BTC: variants seen among roughly 807,000 people sequenced by gnomAD.
BTC encodes the protein betacellulin, also known as probetacellulin.
Under a neutral mutation model 18.1 loss-of-function variants are expected in BTC, and 13 were observed. The ratio of observed to expected loss-of-function variants is 0.72; its 90% CI spans 0.47 to 1.14. BTC has a LOEUF of 1.14. Among genes scored for constraint, BTC ranks in the 50% most tolerant of loss-of-function variants. The pLI is 0.00. For missense variants in BTC, 247 were observed against 224.2 expected (o/e 1.10, Z -0.65); for synonymous variants, 83 against 79.4 (o/e 1.05, Z -0.24).
intron 1 of BTC, among the ~76,000 whole-genome samples, chr4:74,773,491 A>C (rs998860641): frequency 6.6e-6 from 1 of 152,232 alleles, no homozygotes; most frequent in Non-Finnish European, 1.5e-5. Flanking sequence ...AATTCAATGA[A>C]TATTTATTAA....
intron 1 of BTC, among the ~76,000 whole-genome samples, chr4:74,793,844 C>A (rs1433572374): frequency 6.6e-6 from 1 of 152,182 alleles, no homozygotes. Flanking sequence ...TATACTACCA[C>A]GTGAGCTTCT....
intron 2 of BTC, among the ~76,000 whole-genome samples, chr4:74,757,754 G>T (rs1724640141): frequency 6.6e-6 from 1 of 152,190 alleles, no homozygotes; most frequent in Non-Finnish European, 1.5e-5. Flanking sequence ...AAAGAACACT[G>T]GATTCGGAGA....
intron 2 of BTC, among the ~76,000 whole-genome samples, chr4:74,766,141 A>G (rs962868655): frequency 1.3e-5 from 2 of 152,152 alleles, no homozygotes; most frequent in Non-Finnish European, 2.9e-5. Context: ...AGGAACTTGC[A>G]AGACTAGAAG....
chr4:74,770,205 G>A, intron 1 of BTC, 49 bp from the exon 2 acceptor site: 1 of 1,443,862 alleles, frequency 6.9e-7, no homozygotes. Flanking sequence ...TTTGCTTATT[G>A]TGAAACAGTC....
intron 1 of BTC, among the ~76,000 whole-genome samples, chr4:74,773,420 C>G (rs543327462): frequency 6.6e-6 from 1 of 152,172 alleles, no homozygotes. Flanking sequence ...CAGATAAATG[C>G]TCACAAAACT....
At chr4:74,792,535 T>C (rs41476547) in intron 1 of BTC, among the ~76,000 whole-genome samples, 3,824 of 152,308 alleles carry the variant, frequency 0.025, 147 homozygotes, top group African/African-American at 0.088. Context: ...TAAACCATTG[T>C]TTGCATCATA....
In BTC at chr4:74,749,072, T is replaced by C. The variant is rs534328998; in HGVS notation, c.429-923A>G. 9.2e-5 allele frequency among the ~76,000 whole-genome samples: 14 copies of C among 152,276 alleles called. No homozygotes were observed. In the East Asian group the frequency reaches 2.5e-3, roughly 27 times the overall value. ...ACTCTTGTTTTACAGAAAATAAAAGTTCATAGTTGTTAAGAAATTTACCCA... is the reference window on the plus strand; with the variant it reads ...ACTCTTGTTTTACAGAAAATAAAAGCTCATAGTTGTTAAGAAATTTACCCA... On this transcript the variant is annotated intron_variant, in intron 4 of 5. Coordinates refer to ENST00000395743, the MANE Select transcript of BTC (RefSeq NM_001729.4).
intron 1 of BTC, among the ~76,000 whole-genome samples, chr4:74,793,079 C>T (rs1395794853): frequency 2.0e-5 from 3 of 152,204 alleles, no homozygotes. Context: ...TACTTGCAAG[C>T]AATGCTGGCA....
At chr4:74,789,894 A>C (rs1398805982) in intron 1 of BTC, among the ~76,000 whole-genome samples, 1 of 152,256 alleles carries the variant, frequency 6.6e-6, no homozygotes, top group East Asian at 1.9e-4. Flanking sequence ...TCTGTGTCTG[A>C]TATCAATGCT....
chr4:74,757,775 G>A (rs905220747), intron 2 of BTC, among the ~76,000 whole-genome samples: 3 of 152,170 alleles, frequency 2.0e-5, no homozygotes, highest in Non-Finnish European at 2.9e-5. Flanking sequence ...AAGAAAATTC[G>A]TGTTTAATTT....
chr4:74,766,750 A>G (rs1004139268), intron 2 of BTC, among the ~76,000 whole-genome samples: 1 of 152,072 alleles, frequency 6.6e-6, no homozygotes, highest in Non-Finnish European at 1.5e-5. Flanking sequence ...TTCCAAACTC[A>G]TTTTACGAAG....
At position 74,746,185 on chromosome 4, in the gene BTC, G is replaced by C. The variant is rs1464621154; in HGVS notation, c.*492C>G. On this transcript the variant is annotated 3_prime_UTR_variant, in exon 6 of 6. Transcript: ENST00000395743. ...TACCAATCTCCAACTCTCTAAATCT[G>C]GATTAGATTATTTGACTTGACTTCT... 2 of 152,056 alleles carry C rather than the reference G, an allele frequency of 1.3e-5. No homozygotes were observed. The highest frequency in any genetic ancestry group is 4.8e-5 in the African/African-American group (2 of 41,402). The allele number at this position is 152,056 out of a possible 1,614,324, so 9.4% of individuals were successfully genotyped here.
At chr4:74,751,809 C>T (rs1020131593) in intron 3 of BTC, among the ~76,000 whole-genome samples, 12 of 152,170 alleles carry the variant, frequency 7.9e-5, no homozygotes, top group African/African-American at 2.9e-4. Context: ...TATTAATAAA[C>T]ATTTTCCTTT....
intron 4 of BTC, among the ~76,000 whole-genome samples, chr4:74,750,112 T>G (rs1210968627): frequency 6.6e-6 from 1 of 151,752 alleles, no homozygotes; most frequent in Non-Finnish European, 1.5e-5. Context: ...AATAAATAAA[T>G]ACAAATAAAA....
chr4:74,794,284 T>C lies in BTC; in HGVS notation c.42A>G (p.Pro14=). Residue 14 remains proline, a synonymous_variant, in exon 1 of 6, where the codon CCA becomes CCG. Transcript: ENST00000395743. Reference sequence around the variant, plus strand: ...TACCCAGGGCAAGGGCCAGGAGCAGTGGCAGGGAGCTGGCGCCGCTGCACC... The same window carrying C: ...TACCCAGGGCAAGGGCCAGGAGCAGCGGCAGGGAGCTGGCGCCGCTGCACC... ...AARCSGASSL[P]LLLALALGLV... 6.5e-7 allele frequency: 1 copy of C among 1,549,614 alleles called. No individual in the cohort carries two copies. The highest frequency in any genetic ancestry group is 8.7e-7 in the Non-Finnish European group (1 of 1,146,656).
At chr4:74,762,389 G>C (rs369043039) in intron 2 of BTC, among the ~76,000 whole-genome samples, 1 of 152,064 alleles carries the variant, frequency 6.6e-6, no homozygotes, top group Non-Finnish European at 1.5e-5. Context: ...ATTTGAAAAA[G>C]GGAATAATGT....
intron 1 of BTC, among the ~76,000 whole-genome samples, chr4:74,787,028 G>A (rs140412509): frequency 9.1e-4 from 137 of 151,094 alleles, no homozygotes; most frequent in African/African-American, 3.1e-3. Flanking sequence ...TCCACCAACA[G>A]CCACTTACAT....
chr4:74,759,825 C>T (rs1370494166), intron 2 of BTC, among the ~76,000 whole-genome samples: 8 of 152,098 alleles, frequency 5.3e-5, no homozygotes, highest in Non-Finnish European at 1.2e-4. Flanking sequence ...TTACATGAGA[C>T]GTACTAGATT....
intron 1 of BTC, among the ~76,000 whole-genome samples, chr4:74,790,893 G>A (rs1421997132): frequency 6.6e-6 from 1 of 152,250 alleles, no homozygotes; most frequent in African/African-American, 2.4e-5. Context: ...TGGCACAGAT[G>A]TATGGGTAGG....
Sources: gnomAD v4.1 joint callset for allele counts (sites outside exome capture counted in the v4.1 genomes callset) on GRCh38, gnomAD v4.1.1 for gene constraint, MANE v1.5 for transcripts, NCBI Gene and HGNC (gene_info 2026-07-23, HGNC 2026-07-21) for gene names.